The following DMD variants were observed in gnomAD, a reference collection of about 807,000 sequenced individuals.
DMD encodes the protein mutant dystrophin.
DMD carries 63 observed loss-of-function variants against 330.1 expected under a neutral mutation model. That is an observed-to-expected ratio of 0.19 (90% CI 0.16 to 0.24). The LOEUF is 0.24. Among genes scored for constraint, DMD ranks in the 10% least tolerant of loss-of-function variants. The pLI, the probability that DMD is intolerant of heterozygous loss-of-function variation, is 1.00. For synonymous variants in DMD, 1,223 were observed against 959.8 expected (o/e 1.27, Z -5.07); for missense variants, 3,344 against 2,684.1 (o/e 1.25, Z -5.43).
intron 7 of DMD, among the ~76,000 whole-genome samples, chrX:32,787,548 T>C (rs989506178): frequency 4.5e-5 from 5 of 111,252 alleles, no homozygotes; most frequent in East Asian, 2.8e-4. Flanking sequence ...ATAGGCCCTA[T>C]ATATACTGTT....
At chrX:31,219,833 T>TACACACAC (rs58717973) in intron 64 of DMD, among the ~76,000 whole-genome samples, 6,371 of 100,204 alleles carry the variant, frequency 0.064, 164 homozygotes, top group East Asian at 0.15. Flanking sequence ...GATCAATGTA[T>TACACACAC]ACACACACAC....
At chrX:31,646,126 C>T (rs2080079332) in intron 54 of DMD, among the ~76,000 whole-genome samples, 1 of 111,607 alleles carries the variant, frequency 9.0e-6, no homozygotes, top group African/African-American at 3.3e-5. Flanking sequence ...AGCTTTATAA[C>T]AATATTCCTC....
intron 1 of DMD, among the ~76,000 whole-genome samples, chrX:33,037,958 A>G (rs1211677161): frequency 1.8e-5 from 2 of 112,309 alleles, no homozygotes; most frequent in Non-Finnish European, 3.8e-5. Flanking sequence ...CATGTCTAAC[A>G]AAATGGCACT....
At chrX:32,971,246 G>T (rs1602314896) in intron 2 of DMD, among the ~76,000 whole-genome samples, 2 of 111,907 alleles carry the variant, frequency 1.8e-5, no homozygotes, top group South Asian at 7.4e-4. Flanking sequence ...ACAAGCGTGA[G>T]CCACCGCACT....
intron 2 of DMD, among the ~76,000 whole-genome samples, chrX:32,928,056 G>T (rs2146655009): frequency 9.1e-6 from 1 of 110,354 alleles, no homozygotes; most frequent in East Asian, 2.8e-4. Flanking sequence ...AGAAATTGAT[G>T]CCATTAATTT....
intron 9 of DMD, among the ~76,000 whole-genome samples, chrX:32,645,887 T>C (rs986369758): frequency 1.8e-5 from 2 of 112,177 alleles, no homozygotes; most frequent in Non-Finnish European, 3.8e-5. Context: ...GAGCAAAGTG[T>C]ACGAAGCATC....
At chrX:32,611,766 G>A (rs372054899) in intron 12 of DMD, among the ~76,000 whole-genome samples, 2 of 111,917 alleles carry the variant, frequency 1.8e-5, no homozygotes, top group East Asian at 2.8e-4. Flanking sequence ...CAGCAGCAGT[G>A]TCCTGCCTTC....
At chrX:31,749,387 T>C (rs753807338) in intron 51 of DMD, among the ~76,000 whole-genome samples, 44 of 99,934 alleles carry the variant, frequency 4.4e-4, no homozygotes, top group African/African-American at 1.5e-3. Flanking sequence ...AATGAGAATA[T>C]GCGGTGTTTG....
At chrX:32,478,221 G>A (rs949536118) in intron 21 of DMD, among the ~76,000 whole-genome samples, 1 of 111,069 alleles carries the variant, frequency 9.0e-6, no homozygotes, top group African/African-American at 3.3e-5. Flanking sequence ...ATGAAATCGA[G>A]TCCAATTTGA....
intron 62 of DMD, among the ~76,000 whole-genome samples, chrX:31,303,795 T>G (rs991671095): frequency 1.8e-5 from 2 of 111,919 alleles, no homozygotes; most frequent in African/African-American, 6.5e-5. Flanking sequence ...TCCCTCCTGC[T>G]AAATTGCCTT....
At chrX:32,470,009 T>C (rs2040450563) in intron 22 of DMD, among the ~76,000 whole-genome samples, 1 of 111,602 alleles carries the variant, frequency 9.0e-6, no homozygotes, top group Non-Finnish European at 1.9e-5. Context: ...GTAAAATTCA[T>C]ATTGAATTTA....
chrX:32,438,424 T>C (rs2098269529), intron 28 of DMD, 34 bp from the exon 29 acceptor site: 1 of 1,185,894 alleles, frequency 8.4e-7, no homozygotes, highest in South Asian at 1.8e-5. Flanking sequence ...CTATTTCTCC[T>C]TTTTTTTCTA....
At chrX:32,910,413 C>G (rs1228692473) in intron 2 of DMD, among the ~76,000 whole-genome samples, 1 of 111,154 alleles carries the variant, frequency 9.0e-6, no homozygotes, top group Non-Finnish European at 1.9e-5. Flanking sequence ...GATGTTCACC[C>G]CTAGAATGCA....
intron 55 of DMD, among the ~76,000 whole-genome samples, chrX:31,551,437 C>A (rs934835156): frequency 9.0e-6 from 1 of 111,098 alleles, no homozygotes; most frequent in South Asian, 3.8e-4. Flanking sequence ...GGAAAGGATA[C>A]CTGCAGCATC....
At chrX:33,056,942 C>T (rs2094525141) in intron 1 of DMD, among the ~76,000 whole-genome samples, 1 of 111,430 alleles carries the variant, frequency 9.0e-6, no homozygotes, top group East Asian at 2.8e-4. Flanking sequence ...TCTTCTTTCT[C>T]GTTCTCTGTT....
intron 1 of DMD, among the ~76,000 whole-genome samples, chrX:33,331,799 ATTTACTGCAGTGCACTT>A (rs757476258): frequency 2.7e-5 from 3 of 111,498 alleles, no homozygotes; most frequent in Non-Finnish European, 5.7e-5. Flanking sequence ...CCATTTGCTT[ATTTACTGCAGTGCACTT>A]TAGGCTGTAA....
At chrX:32,309,517 G>A (rs867777510) in intron 42 of DMD, among the ~76,000 whole-genome samples, 11 of 111,056 alleles carry the variant, frequency 9.9e-5, no homozygotes, top group South Asian at 3.7e-4. Context: ...TGAGAATTTA[G>A]TAACTTGCTG....
intron 1 of DMD, among the ~76,000 whole-genome samples, chrX:33,237,483 G>A (rs772234935): frequency 9.0e-6 from 1 of 110,543 alleles, no homozygotes; most frequent in South Asian, 3.8e-4. Flanking sequence ...GACCTCAAGT[G>A]ATCCACTCAC....
At chrX:31,453,788 A>AAAAAC (rs1556646267) in intron 59 of DMD, among the ~76,000 whole-genome samples, 1 of 105,003 alleles carries the variant, frequency 9.5e-6, no homozygotes, top group African/African-American at 3.5e-5. Context: ...AAAAAAAAAA[A>AAAAAC]AACCACAAAA....
Sources: gnomAD v4.1 joint callset for allele counts (sites outside exome capture counted in the v4.1 genomes callset) on GRCh38, gnomAD v4.1.1 for gene constraint, MANE v1.5 for transcripts, NCBI Gene and HGNC (gene_info 2026-07-23, HGNC 2026-07-21) for gene names.